Variants in NR3C2 observed in about 807,000 individuals in gnomAD.
NR3C2 encodes mineralocorticoid receptor.
NR3C2 carries 15 observed loss-of-function variants against 86.4 expected under a neutral mutation model. That is an observed-to-expected ratio of 0.17 (90% CI 0.12 to 0.27). The LOEUF is 0.27. Ranked by LOEUF, NR3C2 falls within the 10% of genes least tolerant of loss-of-function variation. The probability of loss-of-function intolerance (pLI) is 1.00; values close to 1 mark genes in which losing one functional copy is unlikely to be tolerated. For synonymous variants in NR3C2, 458 were observed against 450.5 expected (o/e 1.02, Z -0.21); for missense variants, 960 against 1,195.6 (o/e 0.80, Z 2.91).
At chr4:148,304,084 G>T (rs1420972324) in intron 2 of NR3C2, among the ~76,000 whole-genome samples, 1 of 152,162 alleles carries the variant, frequency 6.6e-6, no homozygotes, top group Non-Finnish European at 1.5e-5. Context: ...TAGATGAGTA[G>T]TCATTCATTT....
chr4:148,194,861 C>T lies in NR3C2; in HGVS notation c.1899G>A (p.Gly633=). Residue 633 remains glycine, a splice_region_variant and synonymous_variant, in exon 4 of 9, where the codon GGG becomes GGA. Transcript: ENST00000358102. ...TTCCAGCACATAAATAGTTGTGTTG[C>T]CCTGATTAAAATAATAAAAAATAAC... ...CKVFFKRAVE[G]QHNYLCAGRN... The T allele has an allele frequency of 6.2e-7, 1 of 1,603,774 alleles. No homozygotes were observed. Among genetic ancestry groups the T allele is most frequent in the Non-Finnish European group, 8.5e-7 (1 of 1,173,384 alleles).
Position 148,194,736 on chromosome 4 carries a change from C to A in NR3C2, c.2014+10G>T. 6.3e-7 allele frequency: 1 copy of A among 1,578,084 alleles called. No homozygotes were observed. Among genetic ancestry groups the A allele is most frequent in the Non-Finnish European group, 8.7e-7 (1 of 1,152,816 alleles). On this transcript the variant is annotated intron_variant, in intron 4 of 8. Transcript: ENST00000358102. Reference sequence around the variant, plus strand: ...AACAATTTTTATTAAACTAAAAATACAAAACTTACCTCCTAAATTCATTCC... The same window carrying A: ...AACAATTTTTATTAAACTAAAAATAAAAAACTTACCTCCTAAATTCATTCC...
chr4:148,398,414 A>T (rs1403570849), intron 2 of NR3C2, among the ~76,000 whole-genome samples: 1 of 152,214 alleles, frequency 6.6e-6, no homozygotes, highest in Non-Finnish European at 1.5e-5. Context: ...GTGTACCCTT[A>T]AAGTATCCAA....
At chr4:148,260,498 G>A (rs890887847) in intron 2 of NR3C2, among the ~76,000 whole-genome samples, 1 of 152,088 alleles carries the variant, frequency 6.6e-6, no homozygotes, top group African/African-American at 2.4e-5. Context: ...GCATCAAAGA[G>A]CTATTATAAT....
intron 6 of NR3C2, among the ~76,000 whole-genome samples, chr4:148,122,105 T>C (rs1252828581): frequency 6.6e-6 from 1 of 152,238 alleles, no homozygotes; most frequent in Admixed American, 6.5e-5. Context: ...GATGGGAGGT[T>C]GAATGGATAG....
At chr4:148,268,346 T>A (rs1318412670) in intron 2 of NR3C2, among the ~76,000 whole-genome samples, 1 of 152,208 alleles carries the variant, frequency 6.6e-6, no homozygotes, top group African/African-American at 2.4e-5. Context: ...ATATTATCTT[T>A]GCTGACAAAT....
chr4:148,372,088 TA>T (rs1304512033), intron 2 of NR3C2, among the ~76,000 whole-genome samples: 2 of 152,154 alleles, frequency 1.3e-5, no homozygotes, highest in Non-Finnish European at 2.9e-5. Flanking sequence ...AAACTTGAAG[TA>T]AAATACACAT....
chr4:148,091,345 G>C (rs911385378), intron 8 of NR3C2, among the ~76,000 whole-genome samples: 2 of 152,264 alleles, frequency 1.3e-5, no homozygotes, highest in Non-Finnish European at 2.9e-5. Context: ...GCTACAGCCA[G>C]TGGGCCAGGG....
intron 7 of NR3C2, among the ~76,000 whole-genome samples, chr4:148,118,947 T>C (rs33955319): frequency 0.45 from 69,151 of 152,000 alleles, 17,173 homozygotes; most frequent in East Asian, 0.71. Context: ...GTGCTTCCAG[T>C]TGGGCTAAGT....
chr4:148,306,627 G>C (rs934266712), intron 2 of NR3C2, among the ~76,000 whole-genome samples: 13 of 152,134 alleles, frequency 8.5e-5, no homozygotes, highest in African/African-American at 3.1e-4. Context: ...CTTCAATAAT[G>C]TTTTTAATCT....
intron 8 of NR3C2, among the ~76,000 whole-genome samples, chr4:148,096,780 C>T (rs1278712242): frequency 6.6e-6 from 1 of 152,180 alleles, no homozygotes; most frequent in Non-Finnish European, 1.5e-5. Flanking sequence ...CATTCATTCA[C>T]ATATATCCTG....
intron 6 of NR3C2, among the ~76,000 whole-genome samples, chr4:148,124,398 T>C (rs986425919): frequency 1.7e-4 from 26 of 152,236 alleles, no homozygotes; most frequent in Non-Finnish European, 3.2e-4. Context: ...ACTTTGCAGA[T>C]AGTATTCAAC....
chr4:148,329,017 A>G (rs1388375066), intron 2 of NR3C2, among the ~76,000 whole-genome samples: 2 of 152,214 alleles, frequency 1.3e-5, no homozygotes, highest in African/African-American at 4.8e-5. Context: ...ATTATTTTAA[A>G]AACTAGAAAA....
chr4:148,138,248 T>C (rs1483005433), intron 6 of NR3C2, among the ~76,000 whole-genome samples: 3 of 152,216 alleles, frequency 2.0e-5, no homozygotes, highest in Admixed American at 2.0e-4. Context: ...AATTGAGCTC[T>C]TAAATACTGT....
intron 8 of NR3C2, among the ~76,000 whole-genome samples, chr4:148,088,272 G>A (rs1034216836): frequency 6.6e-5 from 10 of 152,202 alleles, no homozygotes; most frequent in Admixed American, 2.0e-4. Context: ...TTGTGGGAGT[G>A]CAAATTAGTT....
chr4:148,235,267 T>C lies in NR3C2; in HGVS notation c.1897+24711A>G, dbSNP rs1738691604. Among the ~76,000 whole-genome samples, 3 of 149,328 alleles carry C rather than the reference T, an allele frequency of 2.0e-5. No individual in the cohort carries two copies. In the Admixed American group the frequency reaches 2.0e-4, roughly 10 times the overall value. On this transcript the variant is annotated intron_variant, in intron 3 of 8. Coordinates refer to ENST00000358102, the MANE Select transcript of NR3C2 (RefSeq NM_000901.5). The stretch of plus-strand genomic sequence containing the variant: ...TTAAAAAATTTAAGTGGCAATTATA[T>C]ATATATATATATATATTTAAGATTC...
chr4:148,274,647 G>C (rs1182442792), intron 2 of NR3C2, among the ~76,000 whole-genome samples: 2 of 151,792 alleles, frequency 1.3e-5, no homozygotes, highest in African/African-American at 4.8e-5. Flanking sequence ...GCAGAACTGT[G>C]AGTAGATTAA....
chr4:148,158,499 C>T (rs905403931), intron 4 of NR3C2, among the ~76,000 whole-genome samples: 1 of 152,164 alleles, frequency 6.6e-6, no homozygotes, highest in Non-Finnish European at 1.5e-5. Flanking sequence ...TCTGAAATAA[C>T]ATGTCAATGT....
intron 2 of NR3C2, among the ~76,000 whole-genome samples, chr4:148,420,460 G>T (rs1239917255): frequency 6.6e-6 from 1 of 152,166 alleles, no homozygotes; most frequent in East Asian, 1.9e-4. Context: ...AACGAAATTA[G>T]TATTTAATTT....
Sources: allele counts gnomAD v4.1 joint callset (sites outside exome capture counted in the v4.1 genomes callset), GRCh38; gene constraint gnomAD v4.1.1; transcripts MANE v1.5; gene names NCBI Gene and HGNC (gene_info 2026-07-23, HGNC 2026-07-21).